The following LDLRAP1 variants were observed in gnomAD, a reference collection of about 807,000 sequenced individuals.
The protein encoded by LDLRAP1 is low density lipoprotein receptor adapter protein 1.
A neutral mutation model predicts 37.8 loss-of-function variants in LDLRAP1; 30 were observed. The ratio of observed to expected loss-of-function variants is 0.79; its 90% CI spans 0.59 to 1.08. LDLRAP1 has a LOEUF of 1.08. Ranked by LOEUF, LDLRAP1 falls within the 50% of genes least tolerant of loss-of-function variation. LDLRAP1 has a pLI of 0.00. For synonymous variants in LDLRAP1, 156 were observed against 169.8 expected, an observed-to-expected ratio of 0.92 and a Z score of 0.63; for missense variants, 375 against 401.6, an observed-to-expected ratio of 0.93 and a Z score of 0.57.
At chr1:25,570,808 G>A (rs1302826368), downstream of LDLRAP1, among the ~76,000 whole-genome samples, 20 of 152,242 alleles carry the variant, frequency 1.3e-4, no homozygotes, top group Admixed American at 3.3e-4. Flanking sequence ...GCAGTGAGCC[G>A]AGATCGGGCC....
intron 1 of LDLRAP1, among the ~76,000 whole-genome samples, chr1:25,551,668 T>C (rs527898682): frequency 1.7e-4 from 26 of 152,292 alleles, no homozygotes; most frequent in South Asian, 8.3e-4. Flanking sequence ...TTTCACATTC[T>C]TTTGGAGGAT....
intron 1 of LDLRAP1, among the ~76,000 whole-genome samples, chr1:25,551,644 G>A (rs371048511): frequency 1.8e-4 from 27 of 152,320 alleles, no homozygotes; most frequent in African/African-American, 6.5e-4. Flanking sequence ...CAGGACTGGG[G>A]ACATCTCAGG....
intron 4 of LDLRAP1, among the ~76,000 whole-genome samples, chr1:25,561,853 G>A (rs2044348613): frequency 6.6e-6 from 1 of 151,994 alleles, no homozygotes; most frequent in South Asian, 2.1e-4. Context: ...CAAAGCTGGG[G>A]GAAACACAGG....
chr1:25,545,912 G>A (rs182750940), intron 1 of LDLRAP1, among the ~76,000 whole-genome samples: 78 of 152,316 alleles, frequency 5.1e-4, no homozygotes, highest in African/African-American at 1.6e-3. Flanking sequence ...ACTCCTGTGA[G>A]GTGACAGAGC....
intron 8 of LDLRAP1, among the ~76,000 whole-genome samples, chr1:25,566,263 G>A (rs935674387): frequency 2.0e-5 from 3 of 152,030 alleles, no homozygotes; most frequent in East Asian, 1.9e-4. Context: ...TCAGCTCATC[G>A]TATTTGCATT....
the LDLRAP1 span, among the ~76,000 whole-genome samples, chr1:25,581,231 CG>C: frequency 2.0e-5 from 3 of 152,038 alleles, no homozygotes; most frequent in Non-Finnish European, 4.4e-5. Flanking sequence ...CAGCCTGGGG[CG>C]GGGGCACTGC....
chr1:25,556,124 T>C (rs1372196358), intron 3 of LDLRAP1, among the ~76,000 whole-genome samples: 1 of 151,628 alleles, frequency 6.6e-6, no homozygotes, highest in Admixed American at 6.6e-5. Flanking sequence ...CCCACCGGGG[T>C]GTTGATGCCT....
At chr1:25,581,070 C>A in the LDLRAP1 span, among the ~76,000 whole-genome samples, 1 of 152,106 alleles carries the variant, frequency 6.6e-6, no homozygotes, top group African/African-American at 2.4e-5. Context: ...ATGTTACTGC[C>A]ATTGGCCTGC....
chr1:25,546,270 C>T (rs1474588018), intron 1 of LDLRAP1, among the ~76,000 whole-genome samples: 5 of 152,180 alleles, frequency 3.3e-5, no homozygotes, highest in East Asian at 1.9e-4. Context: ...AAGTTAGACT[C>T]GAACCCTGCT....
the LDLRAP1 span, among the ~76,000 whole-genome samples, chr1:25,574,984 T>C: frequency 6.6e-6 from 1 of 152,192 alleles, no homozygotes; most frequent in Admixed American, 6.5e-5. Flanking sequence ...CAGGACCCAG[T>C]AGGACTGGCC....
the LDLRAP1 span, among the ~76,000 whole-genome samples, chr1:25,579,814 AT>A: frequency 0.67 from 101,335 of 151,924 alleles, 35,160 homozygotes; most frequent in Non-Finnish European, 0.78. Context: ...TCACCACTAC[AT>A]TACCACAGCT....
At chr1:25,576,125 G>C in the LDLRAP1 span, among the ~76,000 whole-genome samples, 4 of 152,092 alleles carry the variant, frequency 2.6e-5, no homozygotes, top group Non-Finnish European at 5.9e-5. Context: ...CCAGCTACTC[G>C]GGAGGCCGAA....
At chr1:25,573,790 A>G (rs374736914), downstream of LDLRAP1, among the ~76,000 whole-genome samples, 69 of 152,296 alleles carry the variant, frequency 4.5e-4, 1 homozygote, top group African/African-American at 1.3e-3. Flanking sequence ...GCTATTTCAC[A>G]CAGGCGGGGC....
intron 8 of LDLRAP1, among the ~76,000 whole-genome samples, chr1:25,566,559 C>T (rs1359941447): frequency 1.4e-5 from 2 of 141,504 alleles, no homozygotes; most frequent in African/African-American, 2.5e-5. Context: ...GCTCCCTTTA[C>T]CAGCCCCTTC....
At chr1:25,553,868 C>T in intron 1 of LDLRAP1, 54 bp from the exon 2 acceptor site, 1 of 1,601,500 alleles carries the variant, frequency 6.2e-7, no homozygotes, top group Non-Finnish European at 8.5e-7. Flanking sequence ...AGAGCTGTTG[C>T]TGGTGGTGGG....
chr1:25,545,182 G>A (rs959488669), intron 1 of LDLRAP1, among the ~76,000 whole-genome samples: 3 of 152,220 alleles, frequency 2.0e-5, no homozygotes, highest in Non-Finnish European at 4.4e-5. Flanking sequence ...ATGGCCATCT[G>A]TTCCAGTGGG....
chr1:25,586,791 G>A, the LDLRAP1 span, among the ~76,000 whole-genome samples: 1 of 152,118 alleles, frequency 6.6e-6, no homozygotes, highest in Admixed American at 6.5e-5. The surrounding 1 kb of genome is among the most constrained non-coding windows in gnomAD (Gnocchi z 4.3). Flanking sequence ...AGCCCTGATG[G>A]TCCTCAATCC....
chr1:25,580,954 A>T, the LDLRAP1 span, among the ~76,000 whole-genome samples: 1 of 152,172 alleles, frequency 6.6e-6, no homozygotes, highest in Admixed American at 6.5e-5. Flanking sequence ...CGGAAGGCTC[A>T]GAACCAGGCT....
rs777495758 is a variant in LDLRAP1, at chr1:25,555,891, G to A, written c.344+919G>A. Among the ~76,000 whole-genome samples, 2 of 152,132 alleles carry A rather than the reference G, an allele frequency of 1.3e-5. No individual in the cohort carries two copies. Among genetic ancestry groups the A allele is most frequent in the African/African-American group, 2.4e-5 (1 of 41,412 alleles). On this transcript the variant is annotated intron_variant, in intron 3 of 8. Transcript: ENST00000374338. The surrounding 1 kb of genome is among the most constrained non-coding windows in gnomAD (Gnocchi z 4.7). ...GCTTCCACTCTAGTTGGGTATAGTC[G>A]GGAGGAAACAGGAGATAGAGCATAG...
Sources: allele counts gnomAD v4.1 joint callset (sites outside exome capture counted in the v4.1 genomes callset), GRCh38; gene constraint gnomAD v4.1.1; non-coding constraint Gnocchi (gnomAD v3.1); transcripts MANE v1.5; gene names NCBI Gene and HGNC (gene_info 2026-07-23, HGNC 2026-07-21).